Variants in TRIP12 observed in about 807,000 individuals in gnomAD.
The protein encoded by TRIP12 is E3 ubiquitin-protein ligase TRIP12.
A neutral mutation model predicts 244.2 loss-of-function variants in TRIP12; 25 were observed. The ratio of observed to expected loss-of-function variants is 0.10; its 90% CI spans 0.07 to 0.14. The LOEUF (loss-of-function observed/expected upper bound fraction) is 0.14. Among genes scored for constraint, TRIP12 ranks in the 10% least tolerant of loss-of-function variants. TRIP12 has a pLI of 1.00. For missense variants in TRIP12, 1,677 were observed against 2,486.4 expected, an observed-to-expected ratio of 0.67 and a Z score of 6.92; for synonymous variants, 905 against 873.1, an observed-to-expected ratio of 1.04 and a Z score of -0.64.
At chr2:229,864,049 T>A (rs6759000) in intron 2 of TRIP12, among the ~76,000 whole-genome samples, 11,737 of 65,394 alleles carry the variant, frequency 0.18, 540 homozygotes, top group Non-Finnish European at 0.23. Context: ...AGAGAGAGAG[T>A]GTGTGTGTGT....
chr2:229,834,543 T>A (rs1245574132), intron 6 of TRIP12, among the ~76,000 whole-genome samples: 1 of 152,126 alleles, frequency 6.6e-6, no homozygotes, highest in Non-Finnish European at 1.5e-5. Flanking sequence ...GCAGATCACT[T>A]GAGGTCAGGA....
chr2:229,768,876 C>T (rs908544084), intron 40 of TRIP12, among the ~76,000 whole-genome samples, 157 bp from the exon 41 acceptor site: 1 of 152,078 alleles, frequency 6.6e-6, no homozygotes, highest in African/African-American at 2.4e-5. Context: ...TCTGTTATGA[C>T]TAGACTAGAA....
chr2:229,880,282 T>A (rs371108855), intron 1 of TRIP12, among the ~76,000 whole-genome samples, 154 bp from the exon 2 acceptor site: 5 of 152,238 alleles, frequency 3.3e-5, no homozygotes, highest in South Asian at 2.1e-4. Context: ...AACTGTGAAG[T>A]CTGACTGATC....
intron 15 of TRIP12, among the ~76,000 whole-genome samples, 157 bp downstream of exon 15, chr2:229,810,723 G>T (rs1291971524): frequency 6.6e-6 from 1 of 152,128 alleles, no homozygotes; most frequent in Non-Finnish European, 1.5e-5. Flanking sequence ...TTAACATACT[G>T]TCCCAACACA....
intron 1 of TRIP12, among the ~76,000 whole-genome samples, chr2:229,884,314 G>A (rs1052237755): frequency 7.5e-6 from 1 of 133,102 alleles, no homozygotes; most frequent in Non-Finnish European, 1.5e-5. Context: ...TCGGCTCACT[G>A]TAACCTCCAC....
At chr2:229,837,025 A>T (rs535055816) in intron 5 of TRIP12, 41 bp from the exon 6 acceptor site, 1 of 1,473,578 alleles carries the variant, frequency 6.8e-7, no homozygotes, top group East Asian at 2.6e-5. Flanking sequence ...ATTACCAGTG[A>T]ACCAGGAGCA....
intron 40 of TRIP12, 39 bp from the exon 41 acceptor site, chr2:229,768,758 G>A (rs752315996): frequency 6.4e-7 from 1 of 1,555,364 alleles, no homozygotes; most frequent in Non-Finnish European, 8.7e-7. Context: ...ATTTCATCAG[G>A]TTAAAATAGA....
chr2:229,822,660 A>G (rs2050379300), intron 8 of TRIP12, among the ~76,000 whole-genome samples: 1 of 152,238 alleles, frequency 6.6e-6, no homozygotes, highest in Non-Finnish European at 1.5e-5. Flanking sequence ...TCTTTTATAC[A>G]AAACGTCTGT....
chr2:229,778,553 G>A lies in TRIP12; in HGVS notation c.5244C>T (p.Leu1748=), dbSNP rs1227765492. Residue 1748 remains leucine, a synonymous_variant, in exon 36 of 42, where the codon CTC becomes CTT. Coordinates refer to ENST00000675903, the MANE Select transcript of TRIP12 (RefSeq NM_001348323.3). This position sits in a 1 kb window ranked among gnomAD's most constrained non-coding sequence, Gnocchi z 4.1. The stretch of plus-strand genomic sequence containing the variant: ...CAAAGGGAAGCGCAAACAGGCCCTG[G>A]AGGTTTTGAATATACTTGGTCCCTT... The part of the protein sequence containing the change: ...SQEGTKYIQN[L]QGLFALPFGR... 1 of 1,613,896 alleles carries A rather than the reference G, an allele frequency of 6.2e-7. No homozygotes were observed. The highest frequency in any genetic ancestry group is 8.5e-7 in the Non-Finnish European group (1 of 1,179,938).
chr2:229,773,692 AG>A (rs2035302145), intron 38 of TRIP12: 1 of 159,872 alleles, frequency 6.3e-6, no homozygotes, highest in Non-Finnish European at 1.4e-5. Flanking sequence ...CTCGCCCATA[AG>A]TTAGTAATTT....
In TRIP12 at chr2:229,777,306, T is replaced by C. The variant is rs776463500; in HGVS notation, c.5529+9A>G. 1.3e-5 allele frequency: 21 copies of C among 1,612,166 alleles called. No homozygotes were observed. Among genetic ancestry groups the C allele is most frequent in the Non-Finnish European group, 1.6e-5 (19 of 1,178,700 alleles). ...ACTTGATCTACTGGACTGTTTCTTCTAAGCCTACCTGGGATTTATCTTGTT... is the reference window on the plus strand; with the variant it reads ...ACTTGATCTACTGGACTGTTTCTTCCAAGCCTACCTGGGATTTATCTTGTT... On this transcript the variant is annotated intron_variant, in intron 37 of 41. Coordinates refer to ENST00000675903, the MANE Select transcript of TRIP12 (RefSeq NM_001348323.3).
chr2:229,823,554 TA>T (rs2050668735), intron 8 of TRIP12, among the ~76,000 whole-genome samples: 1 of 151,642 alleles, frequency 6.6e-6, no homozygotes, highest in Admixed American at 6.6e-5. Context: ...CAGGCACCTG[TA>T]GTCCCAGCTA....
At chr2:229,817,319 T>C (rs1559607935) in intron 9 of TRIP12, among the ~76,000 whole-genome samples, 2 of 152,250 alleles carry the variant, frequency 1.3e-5, no homozygotes, top group Non-Finnish European at 2.9e-5. Context: ...TGTTTATGTT[T>C]GTCTTTTGGT....
chr2:229,850,185 T>C (rs896284101), intron 4 of TRIP12, among the ~76,000 whole-genome samples: 9 of 152,332 alleles, frequency 5.9e-5, no homozygotes, highest in African/African-American at 2.2e-4. Flanking sequence ...AACATGGCCA[T>C]TTATAATTTC....
intron 4 of TRIP12, among the ~76,000 whole-genome samples, chr2:229,841,223 A>T (rs1340024504): frequency 6.6e-6 from 1 of 152,150 alleles, no homozygotes; most frequent in Non-Finnish European, 1.5e-5. Flanking sequence ...CCTCTTCTCC[A>T]CTAACAAAGG....
rs6749045 is a variant in TRIP12 at position 229,798,727 on chromosome 2, A to C, written c.3482+148T>G. ...AGATGCAGGGTTCATAAACTGAGAA[A>C]CTACCTAATTCTTGAACTATGCTTT... On this transcript the variant is annotated intron_variant, in intron 23 of 41. Transcript: ENST00000675903. The C allele has an allele frequency of 0.31, 274,797 of 872,850 alleles. 44,791 individuals carry two copies. The highest frequency in any genetic ancestry group is 0.44 in the Middle Eastern group (1,529 of 3,472). 54.1% of individuals were successfully genotyped at this position (872,850 alleles called of 1,614,324 possible).
intron 4 of TRIP12, among the ~76,000 whole-genome samples, chr2:229,857,806 CT>C (rs1383970641): frequency 1.3e-5 from 2 of 152,188 alleles, no homozygotes; most frequent in African/African-American, 2.4e-5. Flanking sequence ...CTTCCATCTA[CT>C]TTCTGTTTCT....
intron 34 of TRIP12, among the ~76,000 whole-genome samples, chr2:229,781,638 A>G (rs1015296351): frequency 3.3e-5 from 5 of 152,180 alleles, no homozygotes; most frequent in African/African-American, 9.6e-5. Context: ...GTGAGCCCAA[A>G]GACTGGTATA....
chr2:229,767,837 T>C, intron 41 of TRIP12, 87 bp from the exon 42 acceptor site: 5 of 1,279,830 alleles, frequency 3.9e-6, no homozygotes, highest in Middle Eastern at 3.9e-4. Flanking sequence ...TGCCGTACAA[T>C]ATTACACACA....
Sources: gnomAD v4.1 joint callset for allele counts (sites outside exome capture counted in the v4.1 genomes callset) on GRCh38, gnomAD v4.1.1 for gene constraint, Gnocchi (gnomAD v3.1) non-coding constraint, MANE v1.5 for transcripts, NCBI Gene and HGNC (gene_info 2026-07-23, HGNC 2026-07-21) for gene names.